Variants in ICA1 observed in about 807,000 individuals in gnomAD.
The protein encoded by ICA1 is islet cell autoantigen 1.
ICA1 carries 40 observed loss-of-function variants against 71.0 expected under a neutral mutation model. The observed-to-expected ratio is 0.56, with a 90% CI of 0.44 to 0.73. The LOEUF (loss-of-function observed/expected upper bound fraction) is 0.73, where lower values mean the gene tolerates loss of function less well. ICA1 is among the 30% of genes least tolerant of loss of function. ICA1 has a pLI of 0.00. For missense variants in ICA1, 578 were observed against 576.5 expected, an observed-to-expected ratio of 1.00 and a Z score of -0.03; for synonymous variants, 207 against 209.5, an observed-to-expected ratio of 0.99 and a Z score of 0.10.
At chr7:8,194,900 A>C (rs938022266) in intron 6 of ICA1, among the ~76,000 whole-genome samples, 1 of 152,160 alleles carries the variant, frequency 6.6e-6, no homozygotes, top group Admixed American at 6.5e-5. Flanking sequence ...GCTTCAAAAA[A>C]TTTTTTTATG....
chr7:8,196,421 A>G (rs1193628751), intron 6 of ICA1, among the ~76,000 whole-genome samples: 1 of 152,236 alleles, frequency 6.6e-6, no homozygotes, highest in Non-Finnish European at 1.5e-5. Flanking sequence ...ATGCTACTAG[A>G]ATGGTGGGTA....
At chr7:8,191,128 C>A (rs1354158319) in intron 6 of ICA1, among the ~76,000 whole-genome samples, 3 of 152,170 alleles carry the variant, frequency 2.0e-5, no homozygotes, top group Admixed American at 6.5e-5. Flanking sequence ...ACGAGAGTAA[C>A]TGAAATCACT....
chr7:8,166,483 A>C, intron 6 of ICA1, among the ~76,000 whole-genome samples: 1 of 152,216 alleles, frequency 6.6e-6, no homozygotes, highest in Non-Finnish European at 1.5e-5. Context: ...ACCATACAAA[A>C]ATATCAACTC....
At chr7:8,203,278 T>C (rs1291394530) in intron 6 of ICA1, among the ~76,000 whole-genome samples, 4 of 152,166 alleles carry the variant, frequency 2.6e-5, no homozygotes, top group Admixed American at 2.6e-4. Flanking sequence ...TATAGTAGAG[T>C]TCCTGGGAAA....
rs1337076599 is a variant in ICA1 at position 8,127,940 on chromosome 7, T to C, written c.1263A>G (p.Thr421=). The change falls in exon 13 of 14, where the codon ACA becomes ACG. Residue 421 remains threonine (T), a synonymous_variant. Transcript: ENST00000402384. ...GCTGCGAAGGAAGGAAACCTGAGCCTGTCTGGGCCTTGGGGTCTGGCTCTC... is the reference window on the plus strand; with the variant it reads ...GCTGCGAAGGAAGGAAACCTGAGCCCGTCTGGGCCTTGGGGTCTGGCTCTC... The part of the protein sequence containing the change: ...ALGEPDPKAQ[T]GSGFLPSQLL... The C allele has an allele frequency of 6.2e-7, 1 of 1,614,238 alleles. No individual in the cohort carries two copies.
At chr7:8,153,181 T>C (rs1403884704) in intron 8 of ICA1, among the ~76,000 whole-genome samples, 2 of 152,202 alleles carry the variant, frequency 1.3e-5, no homozygotes, top group African/African-American at 4.8e-5. Flanking sequence ...TATACTTTGT[T>C]TTATCACAAA....
chr7:8,204,561 T>C (rs1416593581), intron 6 of ICA1, among the ~76,000 whole-genome samples: 2 of 152,214 alleles, frequency 1.3e-5, no homozygotes, highest in African/African-American at 2.4e-5. Context: ...GGCAGAATGT[T>C]AGGGAAAACT....
At chr7:8,212,815 C>A (rs928479468) in intron 6 of ICA1, among the ~76,000 whole-genome samples, 1 of 152,144 alleles carries the variant, frequency 6.6e-6, no homozygotes, top group Non-Finnish European at 1.5e-5. Flanking sequence ...CTGTTTCATG[C>A]ATGTTATTTT....
intron 6 of ICA1, among the ~76,000 whole-genome samples, chr7:8,184,688 T>C (rs1783331524): frequency 6.6e-6 from 1 of 152,222 alleles, no homozygotes; most frequent in Non-Finnish European, 1.5e-5. Context: ...GTATGTTAAA[T>C]ATACATGCAA....
At chr7:8,208,378 A>G (rs1792376807) in intron 6 of ICA1, among the ~76,000 whole-genome samples, 1 of 150,854 alleles carries the variant, frequency 6.6e-6, no homozygotes, top group Admixed American at 6.7e-5. Context: ...CCCATGCTCT[A>G]TTTTGTATAT....
chr7:8,237,950 C>G (rs146273211), intron 1 of ICA1, among the ~76,000 whole-genome samples: 1 of 152,118 alleles, frequency 6.6e-6, no homozygotes, highest in Non-Finnish European at 1.5e-5. Context: ...TATACAGTGT[C>G]AAATTCATTG....
At chr7:8,115,291 T>C (rs564961244) in intron 13 of ICA1, among the ~76,000 whole-genome samples, 35 of 152,314 alleles carry the variant, frequency 2.3e-4, no homozygotes, top group African/African-American at 7.5e-4. Context: ...CCTGGAATCA[T>C]CTGGTTTATC....
chr7:8,185,554 C>A (rs1783639837), intron 6 of ICA1, among the ~76,000 whole-genome samples: 1 of 152,206 alleles, frequency 6.6e-6, no homozygotes, highest in Non-Finnish European at 1.5e-5. Flanking sequence ...TGGGATGGGG[C>A]ACATCAATAC....
chr7:8,121,694 C>T (rs919389783), intron 13 of ICA1, among the ~76,000 whole-genome samples: 6 of 152,126 alleles, frequency 3.9e-5, no homozygotes, highest in Non-Finnish European at 5.9e-5. Flanking sequence ...TTCGATAGCA[C>T]GACAGGGTGA....
intron 8 of ICA1, among the ~76,000 whole-genome samples, chr7:8,145,590 C>T (rs73057552): frequency 0.012 from 1,761 of 151,656 alleles, 13 homozygotes; most frequent in Non-Finnish European, 0.02. Context: ...GTTTTGTCTC[C>T]GTAAAATATT....
At chr7:8,184,943 G>A (rs1377498830) in intron 6 of ICA1, among the ~76,000 whole-genome samples, 2 of 152,144 alleles carry the variant, frequency 1.3e-5, no homozygotes, top group Middle Eastern at 3.4e-3. Context: ...GCTTGGTGGC[G>A]TGCGCCTATA....
At position 8,152,807 on chromosome 7, in the gene ICA1, C is replaced by A. The variant is rs1316181178; in HGVS notation, c.804+4309G>T. Among the ~76,000 whole-genome samples the A allele has an allele frequency of 1.8e-3, 265 of 148,466 alleles. 2 individuals are homozygous for A. The highest frequency in any genetic ancestry group is 4.4e-3 in the African/African-American group (171 of 39,006). On this transcript the variant is annotated intron_variant, in intron 8 of 13. Transcript: ENST00000402384. ...CCATCACCATCACCTCCACCACCACCACCACCATCTCCTTCAACACCACTA... is the reference window on the plus strand; with the variant it reads ...CCATCACCATCACCTCCACCACCACAACCACCATCTCCTTCAACACCACTA...
intron 6 of ICA1, among the ~76,000 whole-genome samples, chr7:8,216,701 A>G (rs1233477008): frequency 6.6e-6 from 1 of 152,208 alleles, no homozygotes; most frequent in Non-Finnish European, 1.5e-5. Context: ...AAATCACAAG[A>G]GAGGAATTAG....
chr7:8,127,077 G>A (rs773057896), intron 13 of ICA1, among the ~76,000 whole-genome samples: 6 of 151,622 alleles, frequency 4.0e-5, no homozygotes, highest in Middle Eastern at 3.4e-3. Flanking sequence ...GGGTTCAAGC[G>A]ATTCTCCTGC....
Sources: allele counts gnomAD v4.1 joint callset (sites outside exome capture counted in the v4.1 genomes callset), GRCh38; gene constraint gnomAD v4.1.1; transcripts MANE v1.5; gene names NCBI Gene and HGNC (gene_info 2026-07-23, HGNC 2026-07-21).